COMMD1: variants seen among roughly 807,000 people sequenced by gnomAD.
COMMD1 encodes copper metabolism domain containing 1.
A neutral mutation model predicts 17.2 loss-of-function variants in COMMD1; 10 were observed. The ratio of observed to expected loss-of-function variants is 0.58; its 90% confidence interval spans 0.36 to 0.99. The LOEUF (loss-of-function observed/expected upper bound fraction) is 0.99, where lower values mean the gene tolerates loss of function less well. COMMD1 is among the 50% of genes least tolerant of loss of function. The pLI, the probability that COMMD1 is intolerant of heterozygous loss-of-function variation, is 0.01. For missense variants in COMMD1, 270 were observed against 231.8 expected, an observed-to-expected ratio of 1.17 and a Z score of -1.07; for synonymous variants, 97 against 91.6, an observed-to-expected ratio of 1.06 and a Z score of -0.34.
At chr2:61,990,029 C>T (rs1166943386) in intron 1 of COMMD1, among the ~76,000 whole-genome samples, 1 of 152,038 alleles carries the variant, frequency 6.6e-6, no homozygotes, top group Non-Finnish European at 1.5e-5. Flanking sequence ...ACATCGAAGC[C>T]TGAAGAAAGA....
Position 61,896,977 on chromosome 2 carries a change from C to T in COMMD1, n.119+8135C>T, listed in dbSNP as rs532597449. ...CCCGAGTAGCTGGGATTACAGGTGC[C>T]CGCCACCACATCTGGCTAATGTTTG... On this transcript the variant is annotated intron_variant and non_coding_transcript_variant, in intron 1 of 2. Transcript: ENST00000472729. 2.0e-5 allele frequency among the ~76,000 whole-genome samples: 3 copies of T among 151,970 alleles called. No homozygotes were observed. The South Asian group carries it at 6.2e-4, about 32-fold the overall frequency.
At chr2:62,043,545 G>A (rs1454249568) in intron 2 of COMMD1, among the ~76,000 whole-genome samples, 1 of 152,190 alleles carries the variant, frequency 6.6e-6, no homozygotes, top group Non-Finnish European at 1.5e-5. Context: ...TAAACTTGTC[G>A]CATTAATGGA....
rs201502956 is a variant in COMMD1 at position 62,035,886 on chromosome 2, T to TA, written c.462+34913dup. ...GGGCAACATGCTAAAACCCTGTCTC[T>TA]AAAAAAAAATACAAAAAATTAGCCG... On this transcript the variant is annotated intron_variant, in intron 2 of 2. Coordinates refer to ENST00000311832, the MANE Select transcript of COMMD1 (RefSeq NM_152516.4). Among the ~76,000 whole-genome samples, 203 of 150,042 alleles carry TA rather than the reference T, an allele frequency of 1.4e-3. 7 individuals carry two copies. In the East Asian group the frequency reaches 0.034, roughly 25 times the overall value.
chr2:61,992,201 A>G (rs983174947), intron 1 of COMMD1, among the ~76,000 whole-genome samples: 1 of 152,222 alleles, frequency 6.6e-6, no homozygotes, highest in Non-Finnish European at 1.5e-5. Flanking sequence ...GATATTTTAA[A>G]TGGTATTGTC....
intron 2 of COMMD1, among the ~76,000 whole-genome samples, chr2:62,027,657 T>TTTTA (rs879846050): frequency 7.5e-6 from 1 of 133,096 alleles, no homozygotes; most frequent in African/African-American, 3.8e-5. Context: ...TTATGTTATG[T>TTTTA]TGTGTTATGT....
intron 1 of COMMD1, among the ~76,000 whole-genome samples, chr2:61,892,405 G>C (rs1669454055): frequency 6.6e-6 from 1 of 152,058 alleles, no homozygotes. Flanking sequence ...GAAAAGAAGA[G>C]AGGAGGGGCC....
chr2:61,936,055 G>T (rs1474317805), intron 1 of COMMD1, among the ~76,000 whole-genome samples: 3 of 152,150 alleles, frequency 2.0e-5, no homozygotes, highest in Non-Finnish European at 4.4e-5. Context: ...GAGCTTAGGG[G>T]GATTCGCCGG....
At chr2:62,020,378 T>G (rs1277598456) in intron 2 of COMMD1, among the ~76,000 whole-genome samples, 1 of 152,162 alleles carries the variant, frequency 6.6e-6, no homozygotes, top group Non-Finnish European at 1.5e-5. Flanking sequence ...CTTCTGGGCT[T>G]TTGTTTCCAC....
At chr2:62,012,304 C>CAT (rs1205570590) in intron 2 of COMMD1, among the ~76,000 whole-genome samples, 1 of 150,258 alleles carries the variant, frequency 6.7e-6, no homozygotes, top group Non-Finnish European at 1.5e-5. Flanking sequence ...CACACACACA[C>CAT]ACACACGTGA....
At chr2:62,044,073 A>G (rs1670309392) in intron 2 of COMMD1, among the ~76,000 whole-genome samples, 1 of 152,132 alleles carries the variant, frequency 6.6e-6, no homozygotes, top group African/African-American at 2.4e-5. Context: ...TGCTGTTTTC[A>G]TGGCCTTCTT....
In COMMD1 at chr2:61,981,673, C is replaced by CA. The variant is rs1161657908; in HGVS notation, c.181-19027dup. On this transcript the variant is annotated intron_variant, in intron 1 of 2. Transcript: ENST00000311832. ...ATGGCGGAAGGTGAAAGGCACATCT[C>CA]ACATGAAGGTAGACAAGAGAAGAAT... Among the ~76,000 whole-genome samples the CA allele has an allele frequency of 6.6e-5, 10 of 152,258 alleles. No homozygotes were observed. In the East Asian group the frequency reaches 1.9e-3, roughly 29 times the overall value.
intron 1 of COMMD1, among the ~76,000 whole-genome samples, chr2:61,972,661 G>C (rs1316789861): frequency 6.6e-6 from 1 of 152,168 alleles, no homozygotes; most frequent in Non-Finnish European, 1.5e-5. Flanking sequence ...CATAACCTTT[G>C]TCTAACCAGG....
chr2:61,966,439 A>G lies in COMMD1; in HGVS notation c.181-34262A>G, dbSNP rs192456016. ...AATTTGTTAAATTAGCATGCAGAAT[A>G]TGGCAGTAATACCCAATTGAAACAC... On this transcript the variant is annotated intron_variant, in intron 1 of 2. Coordinates refer to ENST00000311832, the MANE Select transcript of COMMD1 (RefSeq NM_152516.4). Among the ~76,000 whole-genome samples, 15 of 152,294 alleles carry G rather than the reference A, an allele frequency of 9.8e-5. 1 individual carries two copies. The East Asian group carries it at 1.7e-3, about 18-fold the overall frequency.
At chr2:61,934,743 G>C (rs1424999394) in intron 1 of COMMD1, among the ~76,000 whole-genome samples, 2 of 152,172 alleles carry the variant, frequency 1.3e-5, no homozygotes, top group African/African-American at 4.8e-5. Flanking sequence ...TGTCTGTATA[G>C]AGAGGGAAAA....
At chr2:62,058,442 A>G (rs1670770096) in intron 2 of COMMD1, among the ~76,000 whole-genome samples, 1 of 151,762 alleles carries the variant, frequency 6.6e-6, no homozygotes, top group South Asian at 2.1e-4. Flanking sequence ...CTAGTCTCAA[A>G]CTCCTGCACT....
chr2:62,084,045 G>C (rs971769969), intron 2 of COMMD1, among the ~76,000 whole-genome samples: 1 of 152,144 alleles, frequency 6.6e-6, no homozygotes. Context: ...TTAAAACTCT[G>C]GTTCCTGGGT....
chr2:61,991,586 AC>A (rs1672253848), intron 1 of COMMD1, among the ~76,000 whole-genome samples: 1 of 152,300 alleles, frequency 6.6e-6, no homozygotes, highest in Admixed American at 6.5e-5. Context: ...AGGGGCACTT[AC>A]CTTACTAGGA....
intron 2 of COMMD1, among the ~76,000 whole-genome samples, chr2:62,107,349 C>T (rs920916595): frequency 3.9e-5 from 6 of 152,164 alleles, no homozygotes; most frequent in African/African-American, 1.4e-4. Context: ...ATCAACTGGA[C>T]TGGTAGCCCC....
At chr2:61,933,082 G>A (rs921651410) in intron 1 of COMMD1, among the ~76,000 whole-genome samples, 6 of 152,094 alleles carry the variant, frequency 3.9e-5, no homozygotes, top group African/African-American at 1.4e-4. Context: ...TTGGAAAGGG[G>A]ATTGTGTGGG....
Sources: gnomAD v4.1 joint callset for allele counts (sites outside exome capture counted in the v4.1 genomes callset) on GRCh38, gnomAD v4.1.1 for gene constraint, MANE v1.5 for transcripts, NCBI Gene and HGNC (gene_info 2026-07-23, HGNC 2026-07-21) for gene names.